Variants in ATAD5 observed in about 807,000 individuals in gnomAD.
ATAD5 encodes ATPase family AAA domain-containing protein 5.
ATAD5 carries 58 observed loss-of-function variants against 176.9 expected under a neutral mutation model. The ratio of observed to expected loss-of-function variants is 0.33; its 90% CI spans 0.27 to 0.41. The LOEUF is 0.41. ATAD5 is among the 10% of genes least tolerant of loss of function. The pLI, the probability that ATAD5 is intolerant of heterozygous loss-of-function variation, is 1.00. For missense variants in ATAD5, 1,789 were observed against 2,094.1 expected (o/e 0.85, Z 2.84); for synonymous variants, 640 against 712.6 (o/e 0.90, Z 1.62).
At chr17:30,863,714 G>A (rs1907800023) in intron 10 of ATAD5, among the ~76,000 whole-genome samples, 1 of 142,588 alleles carries the variant, frequency 7.0e-6, no homozygotes, top group Non-Finnish European at 1.5e-5. Flanking sequence ...ACCCAGGTTG[G>A]AGTGTAGTGG....
intron 6 of ATAD5, 99 bp from the exon 7 acceptor site, chr17:30,855,044 C>T: frequency 8.9e-7 from 1 of 1,122,420 alleles, no homozygotes; most frequent in African/African-American, 1.6e-5. Flanking sequence ...CAGGCATGAG[C>T]CACCATGCCC....
At chr17:30,839,199 C>T (rs541070573) in intron 3 of ATAD5, among the ~76,000 whole-genome samples, 2 of 152,224 alleles carry the variant, frequency 1.3e-5, no homozygotes, top group South Asian at 4.1e-4. Context: ...ATATTCATAA[C>T]AGCTTATTGT....
intron 19 of ATAD5, among the ~76,000 whole-genome samples, chr17:30,888,068 C>T (rs1909417254): frequency 6.6e-6 from 1 of 151,860 alleles, no homozygotes; most frequent in Non-Finnish European, 1.5e-5. Flanking sequence ...CTCCTGACCT[C>T]ATGATCCACT....
Position 30,837,208 on chromosome 17 carries a change from T to C in ATAD5, c.1970T>C (p.Met657Thr). 6.8e-7 allele frequency: 1 copy of C among 1,477,830 alleles called. No homozygotes were observed. The highest frequency in any genetic ancestry group is 9.2e-7 in the Non-Finnish European group (1 of 1,086,966). 91.5% of individuals were successfully genotyped at this position (1,477,830 alleles called of 1,614,324 possible). Residue 657 changes from methionine (M) to threonine (T), a missense_variant and splice_region_variant, in exon 3 of 23, where the codon ATG becomes ACG. By Grantham distance (81) the Met-to-Thr change is moderately conservative (BLOSUM62 -1). Around this residue, in one of 6 missense-constraint regions of ATAD5, gnomAD observed 487 missense variants for 573.6 expected, o/e 0.85. Transcript: ENST00000321990. ...TGAATACCTTATTTTTATTTCAGAATGAAATTCACCAGAATTAGTACTCCC... is the reference window on the plus strand; with the variant it reads ...TGAATACCTTATTTTTATTTCAGAACGAAATTCACCAGAATTAGTACTCCC... ...VPFDSESPIRMKFTRISTPKK... is the reference protein window; with the variant it reads ...VPFDSESPIRTKFTRISTPKK...
chr17:30,885,620 T>G (rs35832445), intron 18 of ATAD5, among the ~76,000 whole-genome samples: 1 of 131,282 alleles, frequency 7.6e-6, no homozygotes, highest in African/African-American at 3.0e-5. Flanking sequence ...TTATTCCAAC[T>G]TTCTTTTTTT....
chr17:30,846,721 C>CT (rs34774584), intron 6 of ATAD5, among the ~76,000 whole-genome samples: 4,013 of 129,214 alleles, frequency 0.031, 103 homozygotes, highest in African/African-American at 0.068. Context: ...ATTTTTCTCT[C>CT]TTTTTTTTTT....
chr17:30,859,854 G>A lies in ATAD5; in HGVS notation c.2957-579G>A, dbSNP rs1048399204. On this transcript the variant is annotated intron_variant, in intron 9 of 22. Coordinates refer to ENST00000321990, the MANE Select transcript of ATAD5 (RefSeq NM_024857.5). ...TTCTCCTGCTTCTGCCTCCTAGGTAGCTGAGATTACAGGCACACGCCACCA... is the reference window on the plus strand; with the variant it reads ...TTCTCCTGCTTCTGCCTCCTAGGTAACTGAGATTACAGGCACACGCCACCA... 1.1e-4 allele frequency among the ~76,000 whole-genome samples: 16 copies of A among 146,630 alleles called. 1 individual carries two copies. Among genetic ancestry groups the A allele is most frequent in the African/African-American group, 3.7e-4 (15 of 40,350 alleles).
At chr17:30,857,195 T>C (rs1567686698) in intron 8 of ATAD5, 83 bp downstream of exon 8, 14 of 1,432,856 alleles carry the variant, frequency 9.8e-6, no homozygotes, top group South Asian at 5.4e-5. Flanking sequence ...TCTACTCTTA[T>C]AGCCTCGAGT....
chr17:30,869,071 C>T (rs1908182825), intron 12 of ATAD5, among the ~76,000 whole-genome samples, 177 bp from the exon 13 acceptor site: 1 of 151,972 alleles, frequency 6.6e-6, no homozygotes, highest in African/African-American at 2.4e-5. Flanking sequence ...TGTGATCTGC[C>T]CGCCTCAGCT....
intron 2 of ATAD5, 22 bp from the exon 3 acceptor site, chr17:30,837,174 AAATGTTTCTG>A (rs1425515339): frequency 3.3e-6 from 4 of 1,219,322 alleles, no homozygotes; most frequent in Non-Finnish European, 4.6e-6. Context: ...ATAATCATGA[AAATGTTTCTG>A]AATACCTTAT....
At chr17:30,845,554 A>G (rs1906445241) in intron 6 of ATAD5, among the ~76,000 whole-genome samples, 1 of 152,230 alleles carries the variant, frequency 6.6e-6, no homozygotes. Flanking sequence ...TAGTGTGACT[A>G]GAGCACAGAG....
chr17:30,839,600 A>T (rs550243833), intron 3 of ATAD5, among the ~76,000 whole-genome samples: 11 of 112,146 alleles, frequency 9.8e-5, no homozygotes, highest in African/African-American at 3.8e-4. Context: ...TTTTTTTGAG[A>T]TGGAGTTTCC....
chr17:30,836,671 G>A (rs1197006387), intron 2 of ATAD5, among the ~76,000 whole-genome samples: 1 of 152,060 alleles, frequency 6.6e-6, no homozygotes, highest in African/African-American at 2.4e-5. Flanking sequence ...GGGTTCAAGT[G>A]ATTCTCGTGC....
In ATAD5 at chr17:30,834,441, T is replaced by C. The variant is rs756535617; in HGVS notation, c.360T>C (p.Ser120=). ...AGAAAAGAAAGAGGGTTAATTTATC[T>C]CATCAACTAAATAATATTAAAACTG... ...FKKKRKRVNL[S]HQLNNIKTEN... is the part of the protein sequence containing the mutation. Residue 120 remains serine, a synonymous_variant, in exon 2 of 23, where the codon TCT becomes TCC. Transcript: ENST00000321990. 6.3e-7 allele frequency: 1 copy of C among 1,594,276 alleles called. No homozygotes were observed. The highest frequency in any genetic ancestry group is 1.2e-5 in the South Asian group (1 of 86,724).
At chr17:30,854,520 C>T (rs189677281) in intron 6 of ATAD5, among the ~76,000 whole-genome samples, 10 of 150,816 alleles carry the variant, frequency 6.6e-5, no homozygotes, top group African/African-American at 2.4e-4. Context: ...TACAGGCACC[C>T]GCCACCATGC....
Position 30,872,989 on chromosome 17 carries a change from T to C in ATAD5, c.3607+3343T>C, listed in dbSNP as rs139090608. Among the ~76,000 whole-genome samples the C allele has an allele frequency of 2.6e-4, 39 of 152,330 alleles. No individual in the cohort carries two copies. The East Asian group carries it at 7.5e-3, about 29-fold the overall frequency. On this transcript the variant is annotated intron_variant, in intron 14 of 22. Transcript: ENST00000321990. The stretch of plus-strand genomic sequence containing the variant: ...CTTATTTGTTTTTATATCTCAGAGA[T>C]TACTGTCCATTGTTGCATCATGACA...
At position 30,855,127 on chromosome 17, in the gene ATAD5, A is replaced by G. The variant is rs1907215807; in HGVS notation, c.2451-16A>G. The G allele has an allele frequency of 1.9e-6, 3 of 1,568,538 alleles. No homozygotes were observed. The highest frequency in any genetic ancestry group is 2.6e-6 in the Non-Finnish European group (3 of 1,158,042). On this transcript the variant is annotated splice_polypyrimidine_tract_variant and intron_variant, in intron 6 of 22. Transcript: ENST00000321990. ...TATAACCTTAGCTTTTCTTTTTCAA[A>G]TCATTTTCTTAAAAGTCAAGATACA...
Position 30,868,326 on chromosome 17 carries a change from G to T in ATAD5, c.3234-7G>T. ...TGAATTATTTTTATTATGTTTTCTT[G>T]TGGCAGTTGGTTGAAAGACTGGAAA... On this transcript the variant is annotated splice_polypyrimidine_tract_variant and splice_region_variant and intron_variant, in intron 11 of 22. Transcript: ENST00000321990. The T allele has an allele frequency of 6.4e-7, 1 of 1,560,960 alleles. No individual in the cohort carries two copies. The highest frequency in any genetic ancestry group is 8.6e-7 in the Non-Finnish European group (1 of 1,158,580).
rs1029685525 is a variant in ATAD5, at chr17:30,893,718, C to G, written c.4865C>G (p.Thr1622Arg). The G allele has an allele frequency of 1.2e-5, 19 of 1,613,752 alleles. No individual in the cohort carries two copies. The highest frequency in any genetic ancestry group is 1.5e-5 in the Non-Finnish European group (18 of 1,179,916). Residue 1622 changes from threonine to arginine, a missense_variant, in exon 21 of 23, where the codon ACA (threonine) becomes AGA (arginine). Thr to Arg is a moderately conservative substitution (Grantham distance 71). Transcript: ENST00000321990. ...AGAGACAAAGGAAACAATCCAGAGA[C>G]AAAGAAATCTATTCCTTGTCCTCCT... Reference protein sequence around the residue: ...KARDKGNNPETKKSIPCPPKT... With the variant: ...KARDKGNNPERKKSIPCPPKT...
Sources: allele counts gnomAD v4.1 joint callset (sites outside exome capture counted in the v4.1 genomes callset), GRCh38; gene constraint gnomAD v4.1.1; regional missense constraint gnomAD v4.1.1; transcripts MANE v1.5; gene names NCBI Gene and HGNC (gene_info 2026-07-23, HGNC 2026-07-21).